SHANK2: variants seen among roughly 807,000 people sequenced by gnomAD.
SHANK2 encodes SH3 and multiple ankyrin repeat domains protein 2.
In SHANK2, 43 loss-of-function variants were observed where a neutral mutation model predicts 133.7. That is an observed-to-expected ratio of 0.32 (90% CI 0.25 to 0.41). The LOEUF is 0.41. SHANK2 is among the 10% of genes least tolerant of loss of function. The probability of loss-of-function intolerance (pLI) is 1.00; values close to 1 mark genes in which losing one functional copy is unlikely to be tolerated. For synonymous variants in SHANK2, 1,017 were observed against 952.8 expected, an observed-to-expected ratio of 1.07 and a Z score of -1.24; for missense variants, 1,994 against 2,235.8, an observed-to-expected ratio of 0.89 and a Z score of 2.18.
At chr11:70,660,290 A>G (rs989462608) in intron 16 of SHANK2, among the ~76,000 whole-genome samples, 1 of 152,262 alleles carries the variant, frequency 6.6e-6, no homozygotes, top group African/African-American at 2.4e-5. Context: ...TAAAAATGGA[A>G]AAGTTCCTCC....
intron 2 of SHANK2, among the ~76,000 whole-genome samples, chr11:71,183,578 C>T (rs1490629556): frequency 3.3e-5 from 5 of 152,216 alleles, no homozygotes; most frequent in South Asian, 4.1e-4. Flanking sequence ...TCAATGCATG[C>T]GGCTCACAGG....
intron 17 of SHANK2, among the ~76,000 whole-genome samples, chr11:70,590,959 G>A (rs1464865668): frequency 6.6e-6 from 1 of 152,126 alleles, no homozygotes; most frequent in Non-Finnish European, 1.5e-5. Context: ...CTTATAATTA[G>A]TATCCCTCTC....
chr11:70,642,418 G>A (rs561418523), intron 17 of SHANK2, among the ~76,000 whole-genome samples: 2 of 152,370 alleles, frequency 1.3e-5, no homozygotes, highest in East Asian at 3.9e-4. Context: ...TGACAGAGGG[G>A]CCTCAGCAGG....
At chr11:70,773,730 C>T (rs1555043350) in intron 14 of SHANK2, among the ~76,000 whole-genome samples, 1 of 152,190 alleles carries the variant, frequency 6.6e-6, no homozygotes, top group East Asian at 1.9e-4. Flanking sequence ...AGATGCTTCA[C>T]ATCATTAGTT....
chr11:70,923,796 T>G (rs556340554), intron 10 of SHANK2, among the ~76,000 whole-genome samples: 2 of 151,850 alleles, frequency 1.3e-5, no homozygotes, highest in South Asian at 4.2e-4. Context: ...CAAGTGATGA[T>G]CCCGCCTTGG....
chr11:70,940,349 C>T (rs990533473), intron 10 of SHANK2, among the ~76,000 whole-genome samples: 31 of 151,416 alleles, frequency 2.0e-4, no homozygotes, highest in African/African-American at 3.2e-4. Flanking sequence ...TGGGTTCAAG[C>T]GATTCTCCTG....
At chr11:70,879,359 G>A (rs782395142) in intron 11 of SHANK2, among the ~76,000 whole-genome samples, 13 of 152,166 alleles carry the variant, frequency 8.5e-5, no homozygotes, top group Non-Finnish European at 1.8e-4. Flanking sequence ...ATGAGGCTCC[G>A]ATATTTGAAA....
At chr11:70,860,087 C>T (rs1308157242) in intron 11 of SHANK2, among the ~76,000 whole-genome samples, 4 of 152,200 alleles carry the variant, frequency 2.6e-5, no homozygotes, top group Non-Finnish European at 5.9e-5. Flanking sequence ...CCCCAACATC[C>T]GACCCTGTCC....
intron 17 of SHANK2, among the ~76,000 whole-genome samples, chr11:70,508,693 C>T (rs1046417834): frequency 2.6e-4 from 39 of 152,244 alleles, no homozygotes; most frequent in African/African-American, 8.9e-4. Flanking sequence ...AAGTTTCAGA[C>T]CAGCCTGGGC....
rs140215063 is a variant in SHANK2 at position 70,917,476 on chromosome 11, T to C, written c.1108-20909A>G. ...TTCTTCAAAGACCTAAAGACAGAAATGCCATTCGACTCAGCAATCCCATTA... is the reference window on the plus strand; with the variant it reads ...TTCTTCAAAGACCTAAAGACAGAAACGCCATTCGACTCAGCAATCCCATTA... On this transcript the variant is annotated intron_variant, in intron 10 of 25. Transcript: ENST00000601538. Among the ~76,000 whole-genome samples, 781 of 152,280 alleles carry C rather than the reference T, an allele frequency of 5.1e-3. 19 individuals are homozygous for C. The South Asian group carries it at 0.057, about 11-fold the overall frequency.
chr11:70,613,732 G>C (rs1478091958), intron 17 of SHANK2, among the ~76,000 whole-genome samples: 3 of 148,910 alleles, frequency 2.0e-5, no homozygotes, highest in African/African-American at 7.4e-5. Flanking sequence ...TACATCCAAT[G>C]ACTGCTGTCC....
chr11:71,096,705 C>T (rs552193587), intron 6 of SHANK2, among the ~76,000 whole-genome samples: 1 of 152,310 alleles, frequency 6.6e-6, no homozygotes, highest in South Asian at 2.1e-4. Context: ...GCAAGGTTAG[C>T]CTTCAAAACA....
chr11:70,820,435 C>T lies in SHANK2; in HGVS notation c.1422G>A (p.Arg474=), dbSNP rs1258549054. The part of the protein sequence containing the change: ...IGSYVPGPRS[R]SPSLNRLGGA... The stretch of plus-strand genomic sequence containing the variant: ...CGCCCAGCCTGTTGAGCGATGGGGA[C>T]CGGCTGCGGGGCCCGGGCACGTAGC... Residue 474 remains arginine (R), a synonymous_variant, in exon 12 of 26, where the codon CGG becomes CGA. Coordinates refer to ENST00000601538, the MANE Select transcript of SHANK2 (RefSeq NM_012309.5). 5 of 710,646 alleles carry T rather than the reference C, an allele frequency of 7.0e-6. No individual in the cohort carries two copies. The Admixed American group carries it at 1.0e-4, about 14-fold the overall frequency. 44.0% of individuals were successfully genotyped at this position (710,646 alleles called of 1,614,324 possible).
In SHANK2 at chr11:70,814,703, C is replaced by T. The variant is rs961219861; in HGVS notation, c.1493+5661G>A. 2.6e-5 allele frequency among the ~76,000 whole-genome samples: 4 copies of T among 152,342 alleles called. No homozygotes were observed. The East Asian group carries it at 5.8e-4, about 22-fold the overall frequency. On this transcript the variant is annotated intron_variant, in intron 12 of 25. Transcript: ENST00000601538. Reference sequence around the variant, plus strand: ...GCCAGGTGGGTGCCGCTCTTTCATGCGTGCAATGGACGACGCATGGACAGG... The same window carrying T: ...GCCAGGTGGGTGCCGCTCTTTCATGTGTGCAATGGACGACGCATGGACAGG...
intron 6 of SHANK2, among the ~76,000 whole-genome samples, chr11:71,096,455 C>T (rs1951614859): frequency 6.6e-6 from 1 of 152,186 alleles, no homozygotes; most frequent in Admixed American, 6.5e-5. Context: ...GAGAGAGGAA[C>T]AGTCAGCCCC....
intron 6 of SHANK2, among the ~76,000 whole-genome samples, chr11:71,102,232 C>T (rs1951726196): frequency 6.6e-6 from 1 of 152,040 alleles, no homozygotes; most frequent in Non-Finnish European, 1.5e-5. Flanking sequence ...GGAGAAGAGG[C>T]CTGAGACTCT....
intron 15 of SHANK2, among the ~76,000 whole-genome samples, chr11:70,666,390 A>T (rs1317866777): frequency 6.6e-6 from 1 of 151,992 alleles, no homozygotes. Flanking sequence ...GCAATCAGAC[A>T]GGGGGGTCTC....
intron 17 of SHANK2, among the ~76,000 whole-genome samples, chr11:70,527,594 C>T (rs1350112146): frequency 2.0e-5 from 3 of 152,208 alleles, no homozygotes; most frequent in African/African-American, 7.2e-5. Flanking sequence ...TCAGCCAGCT[C>T]GGGTCTGAGA....
At position 70,476,696 on chromosome 11, in the gene SHANK2, C is replaced by A. The variant is rs112669082; in HGVS notation, c.4980-3257G>T. On this transcript the variant is annotated intron_variant, in intron 25 of 25. Transcript: ENST00000601538. Reference sequence around the variant, plus strand: ...AAAACATCTTACAAGAAGACATATGCCCACAGAGGACTAGAGGAGGAGGGG... The same window carrying A: ...AAAACATCTTACAAGAAGACATATGACCACAGAGGACTAGAGGAGGAGGGG... Among the ~76,000 whole-genome samples the A allele has an allele frequency of 6.0e-3, 909 of 152,272 alleles. 11 individuals carry two copies. Among genetic ancestry groups the A allele is most frequent in the African/African-American group, 0.021 (874 of 41,542 alleles).
Sources: allele counts gnomAD v4.1 joint callset (sites outside exome capture counted in the v4.1 genomes callset), GRCh38; gene constraint gnomAD v4.1.1; transcripts MANE v1.5; gene names NCBI Gene and HGNC (gene_info 2026-07-23, HGNC 2026-07-21).